The following SLC25A20 variants were observed in gnomAD, a reference collection of about 807,000 sequenced individuals.
SLC25A20 encodes the protein mitochondrial carnitine/acylcarnitine carrier protein.
In SLC25A20, 29 loss-of-function variants were observed where a neutral mutation model predicts 39.7. The ratio of observed to expected loss-of-function variants is 0.73; its 90% CI spans 0.54 to 1.00. SLC25A20 has a LOEUF of 1.00. SLC25A20 is among the 50% of genes least tolerant of loss of function. SLC25A20 has a pLI of 0.00. For synonymous variants in SLC25A20, 103 were observed against 142.2 expected, an observed-to-expected ratio of 0.72 and a Z score of 1.96; for missense variants, 333 against 379.9, an observed-to-expected ratio of 0.88 and a Z score of 1.03.
chr3:48,863,876 G>T (rs1179683108), intron 4 of SLC25A20, among the ~76,000 whole-genome samples: 1 of 151,876 alleles, frequency 6.6e-6, no homozygotes, highest in East Asian at 1.9e-4. Flanking sequence ...TTAGCCAGGC[G>T]TGGTGGTACA....
Position 48,884,069 on chromosome 3 carries a change from A to G in SLC25A20, c.254T>C (p.Met85Thr), listed in dbSNP as rs1374102445. The G allele has an allele frequency of 2.5e-6, 4 of 1,613,972 alleles. No individual in the cohort carries two copies. Among genetic ancestry groups the G allele is most frequent in the South Asian group, 1.1e-5 (1 of 91,078 alleles). ...AAACCCAAAGAAGCACACGGCAAAC[A>G]TGGGAGTGACCCCGATGATAGGGGC... ...MAAPIIGVTPMFAVCFFGFGL... is the reference protein window; with the variant it reads ...MAAPIIGVTPTFAVCFFGFGL... Residue 85 changes from methionine to threonine, a missense_variant, in exon 3 of 9, where the codon ATG becomes ACG. Transcript: ENST00000319017.
At chr3:48,874,011 G>A (rs1483817298) in intron 4 of SLC25A20, among the ~76,000 whole-genome samples, 1 of 137,170 alleles carries the variant, frequency 7.3e-6, no homozygotes, top group Non-Finnish European at 1.6e-5. Flanking sequence ...GACTTAGGGC[G>A]AGCATGATGG....
At chr3:48,887,631 C>T (rs2083839193) in intron 2 of SLC25A20, among the ~76,000 whole-genome samples, 1 of 152,174 alleles carries the variant, frequency 6.6e-6, no homozygotes, top group Non-Finnish European at 1.5e-5. Context: ...AGGCCAGGTG[C>T]CATGGCTCAC....
intron 4 of SLC25A20, among the ~76,000 whole-genome samples, chr3:48,875,016 C>T (rs893181873): frequency 7.0e-6 from 1 of 143,866 alleles, no homozygotes; most frequent in Non-Finnish European, 1.5e-5. Context: ...GAACCAAGAT[C>T]GTGCCACTGC....
At chr3:48,872,648 C>T (rs1398066134) in intron 4 of SLC25A20, among the ~76,000 whole-genome samples, 8 of 140,844 alleles carry the variant, frequency 5.7e-5, no homozygotes, top group Non-Finnish European at 3.1e-5. Flanking sequence ...CCCAGGAGTT[C>T]GAAGTTAGCC....
intron 3 of SLC25A20, among the ~76,000 whole-genome samples, chr3:48,883,414 G>C (rs1374342373): frequency 6.6e-6 from 1 of 151,590 alleles, no homozygotes; most frequent in African/African-American, 2.4e-5. Context: ...AGCCAGGTGT[G>C]GTGGTGCATG....
At position 48,884,110 on chromosome 3, in the gene SLC25A20, T is replaced by C. The variant is rs928258340; in HGVS notation, c.213A>G (p.Leu71=). 2.5e-6 allele frequency: 4 copies of C among 1,613,580 alleles called. No homozygotes were observed. Among genetic ancestry groups the C allele is most frequent in the Non-Finnish European group, 3.4e-6 (4 of 1,179,634 alleles). The change falls in exon 3 of 9, where the codon CTA becomes CTG. Residue 71 remains leucine (L), a synonymous_variant. Coordinates refer to ENST00000319017, the MANE Select transcript of SLC25A20 (RefSeq NM_000387.6). ...TGATAGGGGCAGCCATTCCCCGATA[T>C]AGCCCCGTGATGCCCTGCAAGGAAT... The part of the protein sequence containing the change: ...KTLFREGITG[L]YRGMAAPIIG...
At chr3:48,885,501 T>C (rs1250863666) in intron 2 of SLC25A20, among the ~76,000 whole-genome samples, 4 of 152,060 alleles carry the variant, frequency 2.6e-5, no homozygotes, top group Non-Finnish European at 5.9e-5. Context: ...CCAAAAGCGA[T>C]GTTTCCAAGA....
chr3:48,869,522 G>A (rs987238133), intron 4 of SLC25A20, among the ~76,000 whole-genome samples: 6 of 152,150 alleles, frequency 3.9e-5, no homozygotes, highest in East Asian at 3.9e-4. Flanking sequence ...GTGCCCGGCC[G>A]AAAAACCTTT....
intron 1 of SLC25A20, among the ~76,000 whole-genome samples, chr3:48,893,153 A>T (rs1406732154): frequency 6.6e-6 from 1 of 151,828 alleles, no homozygotes; most frequent in Admixed American, 6.6e-5. Flanking sequence ...TCAGCCCCCC[A>T]AGCAGCTGGG....
chr3:48,894,843 G>C (rs2083900867), intron 1 of SLC25A20, among the ~76,000 whole-genome samples: 1 of 152,120 alleles, frequency 6.6e-6, no homozygotes, highest in African/African-American at 2.4e-5. Flanking sequence ...TTTTGAGACA[G>C]AGTTTCACTC....
Position 48,884,019 on chromosome 3 carries a change from T to C in SLC25A20, c.304A>G (p.Lys102Glu). The change falls in exon 3 of 9, where the codon AAA (lysine) becomes GAA (glutamate). Residue 102 changes from lysine (K) to glutamate (E), a missense_variant. Transcript: ENST00000319017. ...CACCTGAGCACATCTTCTGGGTGTT[T>C]CTGTTGTAGTTTCTTCCCCAAACCA... The part of the protein sequence containing the change: ...GFGLGKKLQQ[K>E]HPEDVLSYPQ... 1 of 1,613,870 alleles carries C rather than the reference T, an allele frequency of 6.2e-7. No individual in the cohort carries two copies. The highest frequency in any genetic ancestry group is 8.5e-7 in the Non-Finnish European group (1 of 1,179,826).
At chr3:48,897,628 G>C (rs2083919864) in intron 1 of SLC25A20, among the ~76,000 whole-genome samples, 1 of 151,966 alleles carries the variant, frequency 6.6e-6, no homozygotes, top group South Asian at 2.1e-4. Context: ...CCCAGTATGA[G>C]CTCTACTTCA....
At chr3:48,858,800 G>A in intron 7 of SLC25A20, 169 bp from the exon 8 acceptor site, 1 of 815,418 alleles carries the variant, frequency 1.2e-6, no homozygotes, top group Non-Finnish European at 2.0e-6. Context: ...TGAATTACTT[G>A]TGCCAAGGGA....
rs1250999074 is a variant in SLC25A20, at chr3:48,857,543, C to T, written c.*167G>A. 1.7e-5 allele frequency: 11 copies of T among 656,450 alleles called. No homozygotes were observed. The highest frequency in any genetic ancestry group is 8.6e-5 in the South Asian group (5 of 57,968). 40.7% of individuals were successfully genotyped at this position (656,450 alleles called of 1,614,324 possible). A position where few individuals can be genotyped will look rare whatever the true frequency, so the allele number is the denominator to read the frequency against. On this transcript the variant is annotated 3_prime_UTR_variant, in exon 9 of 9. Coordinates refer to ENST00000319017, the MANE Select transcript of SLC25A20 (RefSeq NM_000387.6). ...TCAAAATGACACACTAAGTTATACA[C>T]GGTGCAGGATGTCATTAAGGCAACA... is the stretch of plus-strand genomic sequence containing the variant.
At chr3:48,895,653 C>T (rs116506237) in intron 1 of SLC25A20, 1 of 302,042 alleles carries the variant, frequency 3.3e-6, no homozygotes, top group African/African-American at 2.2e-5. Context: ...TTGTCAGGGC[C>T]TTCCATATCA....
chr3:48,873,706 G>A (rs531323911), intron 4 of SLC25A20, among the ~76,000 whole-genome samples: 27 of 151,510 alleles, frequency 1.8e-4, no homozygotes, highest in Admixed American at 8.6e-4. Context: ...CTGGCCAGGC[G>A]CAGTGGCTCA....
intron 3 of SLC25A20, among the ~76,000 whole-genome samples, chr3:48,881,152 G>A (rs1008991834): frequency 1.3e-5 from 2 of 152,076 alleles, no homozygotes; most frequent in South Asian, 2.1e-4. Flanking sequence ...TCAACAGCGC[G>A]ATTTCTCCCT....
intron 2 of SLC25A20, among the ~76,000 whole-genome samples, chr3:48,890,853 A>G (rs2083868287): frequency 1.3e-5 from 2 of 150,524 alleles, no homozygotes; most frequent in African/African-American, 4.9e-5. Context: ...ATGGGGTTTC[A>G]CCGTGTTAGC....
Sources: allele counts gnomAD v4.1 joint callset (sites outside exome capture counted in the v4.1 genomes callset), GRCh38; gene constraint gnomAD v4.1.1; transcripts MANE v1.5; gene names NCBI Gene and HGNC (gene_info 2026-07-23, HGNC 2026-07-21).